Variants in ZNF705G observed in about 807,000 individuals in gnomAD.
ZNF705G encodes the protein zinc finger protein 705G, also known as putative zinc finger protein 705G.
ZNF705G carries 23 observed loss-of-function variants against 19.6 expected under a neutral mutation model. That is an observed-to-expected ratio of 1.17 (90% CI 0.84 to 1.66). The LOEUF is 1.66. ZNF705G is among the 40% of genes most tolerant of loss of function. The pLI, the probability that ZNF705G is intolerant of heterozygous loss-of-function variation, is 0.00. For missense variants in ZNF705G, 457 were observed against 354.4 expected (o/e 1.29, Z -2.32); for synonymous variants, 146 against 117.7 (o/e 1.24, Z -1.56).
At chr8:7,369,116 T>A (rs1054250544) in intron 2 of ZNF705G, among the ~76,000 whole-genome samples, 1 of 149,478 alleles carries the variant, frequency 6.7e-6, no homozygotes, top group Non-Finnish European at 1.5e-5. Flanking sequence ...TCGTGAGACT[T>A]ATTCACTACC....
chr8:7,356,760 G>T lies in ZNF705G; in HGVS notation c.*1216C>A, dbSNP rs574128016. ...AGGTGCAAATCCATTTGTTAGGGCC[G>T]CATAAATGAAACAAGGGCTTTGCCA... On this transcript the variant is annotated 3_prime_UTR_variant, in exon 7 of 7. Coordinates refer to ENST00000400156, the MANE Select transcript of ZNF705G (RefSeq NM_001164457.3). 3 of 149,704 alleles carry T rather than the reference G, an allele frequency of 2.0e-5. No homozygotes were observed. The highest frequency in any genetic ancestry group is 5.1e-5 in the African/African-American group (2 of 39,078). The allele number at this position is 149,704 out of a possible 1,614,324, so 9.3% of individuals were successfully genotyped here.
rs1171077843 is a variant in ZNF705G at position 7,374,950 on chromosome 8, C to T, written c.-72+6502G>A. Among the ~76,000 whole-genome samples, 2 of 94,088 alleles carry T rather than the reference C, an allele frequency of 2.1e-5. 1 individual carries two copies. The highest frequency in any genetic ancestry group is 9.9e-5 in the African/African-American group (2 of 20,262). 61.7% of individuals were successfully genotyped at this position (94,088 alleles called of 152,430 possible). On this transcript the variant is annotated intron_variant, in intron 2 of 6. Transcript: ENST00000400156. ...AATGAAAACGAAAGATTTTTAAAAT[C>T]CCTAATGTTACTTGAATTCTTACAA...
chr8:7,358,250 G>C lies in ZNF705G; in HGVS notation c.629C>G (p.Thr210Ser). Residue 210 changes from threonine to serine, a missense_variant, in exon 7 of 7, where the codon ACT (threonine) becomes AGT (serine). Transcript: ENST00000400156. ...YACHLCRKAF[T>S]QCSHLRRHEK... Reference sequence around the variant, plus strand: ...GTGTCTTCTAAGGTGAGAACACTGAGTGAAGGCTTTTCTACATAGATGACA... The same window carrying C: ...GTGTCTTCTAAGGTGAGAACACTGACTGAAGGCTTTTCTACATAGATGACA... 1.2e-6 allele frequency: 2 copies of C among 1,607,626 alleles called. No individual in the cohort carries two copies. Among genetic ancestry groups the C allele is most frequent in the Non-Finnish European group, 1.7e-6 (2 of 1,179,604 alleles).
chr8:7,364,487 A>T (rs1351238072), intron 2 of ZNF705G, among the ~76,000 whole-genome samples: 1 of 149,664 alleles, frequency 6.7e-6, no homozygotes, highest in Non-Finnish European at 1.5e-5. Flanking sequence ...TTAATAAATG[A>T]TCAACAGAGT....
Position 7,358,052 on chromosome 8 carries a change from A to G in ZNF705G, c.827T>C (p.Ile276Thr). 6.2e-7 allele frequency: 1 copy of G among 1,608,552 alleles called. No homozygotes were observed. The highest frequency in any genetic ancestry group is 8.5e-7 in the Non-Finnish European group (1 of 1,179,796). ...ATGTGGTTTCTCTCCAGTGTGAATT[A>G]TTTTGTTTCCTCTAAAGCCAGAGCT... ...SQSSGFRGNK[I>T]IHTGEKPHAC... Residue 276 changes from isoleucine (I) to threonine (T), a missense_variant, in exon 7 of 7, where the codon ATA becomes ACA. Transcript: ENST00000400156.
At position 7,360,300 on chromosome 8, in the gene ZNF705G, G is replaced by A. The variant is rs563097092; in HGVS notation, c.172C>T (p.Gln58Ter). ...YQISKSYIIL[Q>*]LEQGKELWRE... is the part of the protein sequence containing the mutation. ...CACAGCTCTTTTCCTTGCTCCAGCT[G>A]CAAAATTATATAGGATTTGCTTATC... The change falls in exon 5 of 7, where the codon CAG becomes TAG. Residue 58 changes from glutamine to a stop codon, truncating the protein, a stop_gained. Coordinates refer to ENST00000400156, the MANE Select transcript of ZNF705G (RefSeq NM_001164457.3). LOFTEE classifies it high-confidence loss of function. 8.8e-6 allele frequency: 14 copies of A among 1,590,646 alleles called. No individual in the cohort carries two copies. The East Asian group carries it at 2.9e-4, about 33-fold the overall frequency.
chr8:7,380,175 T>G (rs1807424782), intron 2 of ZNF705G, among the ~76,000 whole-genome samples: 1 of 142,050 alleles, frequency 7.0e-6, no homozygotes. Context: ...CTGACAGCAA[T>G]CCTGGCCCCC....
rs1363306539 is a variant in ZNF705G at position 7,365,441 on chromosome 8, C to G, written c.-71-2424G>C. On this transcript the variant is annotated intron_variant, in intron 2 of 6. Coordinates refer to ENST00000400156, the MANE Select transcript of ZNF705G (RefSeq NM_001164457.3). ...TTGCCCAGGCTGGAGTGCAGTGGCG[C>G]GATCTCGGCTCACCGCAACCTCCAC... Among the ~76,000 whole-genome samples, 18 of 143,910 alleles carry G rather than the reference C, an allele frequency of 1.3e-4. 3 individuals carry two copies. Among genetic ancestry groups the G allele is most frequent in the Admixed American group, 4.1e-4 (6 of 14,662 alleles). 94.4% of individuals were successfully genotyped at this position (143,910 alleles called of 152,430 possible).
chr8:7,368,483 A>G (rs1436655126), intron 2 of ZNF705G, among the ~76,000 whole-genome samples: 1 of 149,506 alleles, frequency 6.7e-6, no homozygotes, highest in Middle Eastern at 3.2e-3. Context: ...AAAAGTTTCA[A>G]TGTTCATGAT....
Position 7,357,754 on chromosome 8 carries a change from G to A in ZNF705G, c.*222C>T, listed in dbSNP as rs1806340380. On this transcript the variant is annotated 3_prime_UTR_variant, in exon 7 of 7. Coordinates refer to ENST00000400156, the MANE Select transcript of ZNF705G (RefSeq NM_001164457.3). ...ATTTCTTCAAAATGTGAGTCCTTTG[G>A]CATGTTTAGATGCTACAACTACAGC... 1.3e-6 allele frequency: 1 copy of A among 789,616 alleles called. No individual in the cohort carries two copies. The highest frequency in any genetic ancestry group is 1.9e-6 in the Non-Finnish European group (1 of 521,230). The allele number at this position is 789,616 out of a possible 1,614,324, so 48.9% of individuals were successfully genotyped here.
chr8:7,361,888 A>G (rs1806617649), intron 3 of ZNF705G, among the ~76,000 whole-genome samples: 1 of 149,674 alleles, frequency 6.7e-6, no homozygotes, highest in Non-Finnish European at 1.5e-5. Context: ...CAATTCATAT[A>G]TATAGTCTCT....
chr8:7,363,443 C>T (rs1328614201), intron 2 of ZNF705G, among the ~76,000 whole-genome samples: 2 of 148,864 alleles, frequency 1.3e-5, no homozygotes, highest in Admixed American at 6.6e-5. Context: ...CCCACCACAG[C>T]CTTCTGAAGC....
rs530664880 is a variant in ZNF705G, at chr8:7,368,918, A to T, written c.-71-5901T>A. 3.1e-4 allele frequency among the ~76,000 whole-genome samples: 46 copies of T among 149,824 alleles called. No homozygotes were observed. The East Asian group carries it at 8.3e-3, about 27-fold the overall frequency. On this transcript the variant is annotated intron_variant, in intron 2 of 6. Coordinates refer to ENST00000400156, the MANE Select transcript of ZNF705G (RefSeq NM_001164457.3). Reference sequence around the variant, plus strand: ...TTAAACCTGCAGGTGCACAAGGTACAGGAGTACACTGCTGATAAAGGTATA... The same window carrying T: ...TTAAACCTGCAGGTGCACAAGGTACTGGAGTACACTGCTGATAAAGGTATA...
At chr8:7,366,509 C>T (rs1165232771) in intron 2 of ZNF705G, among the ~76,000 whole-genome samples, 1 of 149,402 alleles carries the variant, frequency 6.7e-6, no homozygotes, top group Non-Finnish European at 1.5e-5. Flanking sequence ...CAGAATCTAA[C>T]ATCTGAAAAT....
rs1387978831 is a variant in ZNF705G at position 7,367,793 on chromosome 8, C to T, written c.-71-4776G>A. Among the ~76,000 whole-genome samples, 2 of 149,728 alleles carry T rather than the reference C, an allele frequency of 1.3e-5. 1 individual carries two copies. Among genetic ancestry groups the T allele is most frequent in the African/African-American group, 5.1e-5 (2 of 39,118 alleles). ...GTCTCTTTTTCCACTGTATGCCCTT[C>T]GGTCGAATTCTTTCTTCTAGGAGGC... On this transcript the variant is annotated intron_variant, in intron 2 of 6. Coordinates refer to ENST00000400156, the MANE Select transcript of ZNF705G (RefSeq NM_001164457.3).
intron 2 of ZNF705G, among the ~76,000 whole-genome samples, chr8:7,368,361 T>C (rs1173363169): frequency 2.7e-5 from 4 of 149,510 alleles, no homozygotes; most frequent in African/African-American, 1.0e-4. Flanking sequence ...GCATTCGCAG[T>C]CAAGGGATAC....
chr8:7,365,141 T>C lies in ZNF705G; in HGVS notation c.-71-2124A>G, dbSNP rs564969427. Among the ~76,000 whole-genome samples, 20 of 149,778 alleles carry C rather than the reference T, an allele frequency of 1.3e-4. 1 individual carries two copies. In the East Asian group the frequency reaches 3.9e-3, roughly 29 times the overall value. The stretch of plus-strand genomic sequence containing the variant: ...TCATAAAGGACTCTTGTGTGGAATC[T>C]ATAAAAACTATTTCAAGATGTAGAG... On this transcript the variant is annotated intron_variant, in intron 2 of 6. Coordinates refer to ENST00000400156, the MANE Select transcript of ZNF705G (RefSeq NM_001164457.3).
intron 6 of ZNF705G, among the ~76,000 whole-genome samples, chr8:7,359,294 C>T (rs1409372900): frequency 2.0e-5 from 3 of 149,648 alleles, no homozygotes; most frequent in African/African-American, 5.1e-5. Context: ...CAATTGCATA[C>T]ACATTATCTC....
At chr8:7,367,485 G>A (rs1423150675) in intron 2 of ZNF705G, among the ~76,000 whole-genome samples, 1 of 149,432 alleles carries the variant, frequency 6.7e-6, no homozygotes, top group Non-Finnish European at 1.5e-5. Context: ...ACCGGAAAAG[G>A]AAAGAAAGCT....
Sources: gnomAD v4.1 joint callset for allele counts (sites outside exome capture counted in the v4.1 genomes callset) on GRCh38, gnomAD v4.1.1 for gene constraint, MANE v1.5 for transcripts, NCBI Gene and HGNC (gene_info 2026-07-23, HGNC 2026-07-21) for gene names.